CTTNBP2NL: variants seen among roughly 807,000 people sequenced by gnomAD.
CTTNBP2NL encodes CTTNBP2 N-terminal like, also known as CTTNBP2 N-terminal-like protein.
CTTNBP2NL carries 16 observed loss-of-function variants against 32.5 expected under a neutral mutation model. The ratio of observed to expected loss-of-function variants is 0.49; its 90% CI spans 0.33 to 0.75. The LOEUF (loss-of-function observed/expected upper bound fraction) is 0.75, where lower values mean the gene tolerates loss of function less well. CTTNBP2NL is among the 30% of genes least tolerant of loss of function. CTTNBP2NL has a pLI of 0.02. For synonymous variants in CTTNBP2NL, 298 were observed against 289.4 expected (o/e 1.03, Z -0.30); for missense variants, 645 against 756.0 (o/e 0.85, Z 1.72).
chr1:112,413,512 A>T (rs1648949246), intron 2 of CTTNBP2NL, among the ~76,000 whole-genome samples: 1 of 152,206 alleles, frequency 6.6e-6, no homozygotes, highest in Non-Finnish European at 1.5e-5. Flanking sequence ...TTCACAGATT[A>T]GAAAACGGAG....
At position 112,441,257 on chromosome 1, in the gene CTTNBP2NL, C is replaced by T. The variant is rs116406205; in HGVS notation, c.100-7685C>T. Among the ~76,000 whole-genome samples, 1,259 of 152,270 alleles carry T rather than the reference C, an allele frequency of 8.3e-3. 18 individuals are homozygous for T. Among genetic ancestry groups the T allele is most frequent in the African/African-American group, 0.028 (1,183 of 41,542 alleles). On this transcript the variant is annotated intron_variant, in intron 3 of 5. Transcript: ENST00000271277. ...TTCTGATTTTTTGTTCACCATAGTT[C>T]GGTTTTGTTTATTCCACAACTTCAT...
At chr1:112,454,798 T>C (rs939460474) in intron 5 of CTTNBP2NL, among the ~76,000 whole-genome samples, 4 of 152,200 alleles carry the variant, frequency 2.6e-5, no homozygotes, top group African/African-American at 7.2e-5. Flanking sequence ...AAATCCATGG[T>C]TTTATAAAAT....
intron 3 of CTTNBP2NL, among the ~76,000 whole-genome samples, chr1:112,437,825 G>A (rs1353286584): frequency 6.6e-6 from 1 of 152,032 alleles, no homozygotes; most frequent in African/African-American, 2.4e-5. Flanking sequence ...ACCCGGCCGA[G>A]TTCCTTCCTT....
chr1:112,425,744 C>A (rs1017225693), intron 3 of CTTNBP2NL, among the ~76,000 whole-genome samples: 1 of 151,284 alleles, frequency 6.6e-6, no homozygotes, highest in South Asian at 2.1e-4. Flanking sequence ...GCATCTGTAA[C>A]CCCGGCTACT....
At chr1:112,436,490 A>T (rs17014815) in intron 3 of CTTNBP2NL, among the ~76,000 whole-genome samples, 2,581 of 152,218 alleles carry the variant, frequency 0.017, 190 homozygotes, top group Admixed American at 0.12. Context: ...CTTCTTATCC[A>T]TCCATATCCC....
At position 112,457,053 on chromosome 1, in the gene CTTNBP2NL, C is replaced by A; in HGVS notation, c.1561C>A (p.Pro521Thr). Reference sequence around the variant, plus strand: ...CACTAGCCAACAAGGGCCAATCAAGCCAGTCTCTCCCAACAGCTCTCCCTT... The same window carrying A: ...CACTAGCCAACAAGGGCCAATCAAGACAGTCTCTCCCAACAGCTCTCCCTT... ...RFTSQQGPIK[P>T]VSPNSSPFGT... is the part of the protein sequence containing the mutation. Residue 521 changes from proline (P) to threonine (T), a missense_variant, in exon 6 of 6, where the codon CCA (proline) becomes ACA (threonine). By Grantham distance (38) the Pro-to-Thr change is conservative. Transcript: ENST00000271277. The A allele has an allele frequency of 1.2e-6, 2 of 1,614,154 alleles. No homozygotes were observed. The highest frequency in any genetic ancestry group is 1.7e-6 in the Non-Finnish European group (2 of 1,180,032).
At chr1:112,405,459 G>A (rs1343690184) in intron 1 of CTTNBP2NL, among the ~76,000 whole-genome samples, 1 of 152,028 alleles carries the variant, frequency 6.6e-6, no homozygotes, top group African/African-American at 2.4e-5. Flanking sequence ...CACCATGCCC[G>A]GCTAATTTTT....
rs1650424702 is a variant in CTTNBP2NL, at chr1:112,457,736, A to G, written c.*324A>G. ...TGAGAACTAGAATCACTCAACACTCATTTTGAATTATGCAGAAGTGGTTCA... is the reference window on the plus strand; with the variant it reads ...TGAGAACTAGAATCACTCAACACTCGTTTTGAATTATGCAGAAGTGGTTCA... On this transcript the variant is annotated 3_prime_UTR_variant, in exon 6 of 6. Transcript: ENST00000271277. The G allele has an allele frequency of 4.5e-6, 1 of 220,854 alleles. No homozygotes were observed. 13.7% of individuals were successfully genotyped at this position (220,854 alleles called of 1,614,324 possible).
chr1:112,424,665 C>T (rs116597141), intron 3 of CTTNBP2NL, among the ~76,000 whole-genome samples: 2,877 of 152,184 alleles, frequency 0.019, 95 homozygotes, highest in African/African-American at 0.066. Context: ...TATATCTCAT[C>T]ATTTATTTAG....
In CTTNBP2NL at chr1:112,456,744, A is replaced by G; in HGVS notation, c.1252A>G (p.Thr418Ala). ...SSGSSLSPSSTASSSLTSSPC... is the reference protein window; with the variant it reads ...SSGSSLSPSSAASSSLTSSPC... Reference sequence around the variant, plus strand: ...TGGGAGCTCACTGTCTCCCAGCAGCACTGCCTCCTCCTCTCTAACATCCTC... The same window carrying G: ...TGGGAGCTCACTGTCTCCCAGCAGCGCTGCCTCCTCCTCTCTAACATCCTC... Residue 418 changes from threonine to alanine, a missense_variant, in exon 6 of 6, where the codon ACT (threonine) becomes GCT (alanine). By Grantham distance (58) the Thr-to-Ala change is moderately conservative. Coordinates refer to ENST00000271277, the MANE Select transcript of CTTNBP2NL (RefSeq NM_018704.3). 6.2e-7 allele frequency: 1 copy of G among 1,614,064 alleles called. No homozygotes were observed. Among genetic ancestry groups the G allele is most frequent in the Non-Finnish European group, 8.5e-7 (1 of 1,179,996 alleles).
chr1:112,456,836 G>C lies in CTTNBP2NL; in HGVS notation c.1344G>C (p.Gln448His), dbSNP rs1326349274. The C allele has an allele frequency of 4.3e-6, 7 of 1,614,080 alleles. No individual in the cohort carries two copies. The South Asian group carries it at 7.7e-5, about 18-fold the overall frequency. ...CATCAGCTAGCAGCCCTGGCTACCA[G>C]TCATCGTACCAAGTAGGGATCAACC... ...LGSSASSPGY[Q>H]SSYQVGINQR... is the part of the protein sequence containing the mutation. Residue 448 changes from glutamine to histidine, a missense_variant, in exon 6 of 6, where the codon CAG becomes CAC. Gln to His is a conservative substitution (Grantham distance 24). Transcript: ENST00000271277.
At position 112,457,238 on chromosome 1, in the gene CTTNBP2NL, C is replaced by G; in HGVS notation, c.1746C>G (p.Ile582Met). Reference protein sequence around the residue: ...PRAERGNPPPIPPKKPGLTPS... With the variant: ...PRAERGNPPPMPPKKPGLTPS... ...CTGAGAGAGGAAACCCTCCACCCAT[C>G]CCACCCAAGAAACCTGGCCTCACCC... is the stretch of plus-strand genomic sequence containing the variant. The change falls in exon 6 of 6, where the codon ATC (isoleucine) becomes ATG (methionine). Residue 582 changes from isoleucine (I) to methionine (M), a missense_variant. Coordinates refer to ENST00000271277, the MANE Select transcript of CTTNBP2NL (RefSeq NM_018704.3). 1.9e-6 allele frequency: 3 copies of G among 1,614,164 alleles called. No homozygotes were observed. The highest frequency in any genetic ancestry group is 2.5e-6 in the Non-Finnish European group (3 of 1,180,032).
At chr1:112,444,581 C>T (rs938576139) in intron 3 of CTTNBP2NL, among the ~76,000 whole-genome samples, 2 of 152,040 alleles carry the variant, frequency 1.3e-5, no homozygotes, top group African/African-American at 4.8e-5. Flanking sequence ...AAATTAAAGA[C>T]CATCATGTTT....
chr1:112,401,018 G>A lies in CTTNBP2NL; in HGVS notation c.-134+4746G>A, dbSNP rs1462556688. On this transcript the variant is annotated intron_variant, in intron 1 of 5. Coordinates refer to ENST00000271277, the MANE Select transcript of CTTNBP2NL (RefSeq NM_018704.3). ...ATTACATGAATATACACACATACACGTGCACATATCACAAAGCAAGGTACC... is the reference window on the plus strand; with the variant it reads ...ATTACATGAATATACACACATACACATGCACATATCACAAAGCAAGGTACC... Among the ~76,000 whole-genome samples the A allele has an allele frequency of 4.7e-5, 7 of 149,166 alleles. No individual in the cohort carries two copies. The East Asian group carries it at 5.8e-4, about 12-fold the overall frequency.
chr1:112,432,059 T>C (rs1293574696), intron 3 of CTTNBP2NL, among the ~76,000 whole-genome samples: 4 of 148,856 alleles, frequency 2.7e-5, no homozygotes, highest in Non-Finnish European at 5.9e-5. Context: ...TTTATCTATA[T>C]ATTTTGATTT....
intron 3 of CTTNBP2NL, among the ~76,000 whole-genome samples, chr1:112,422,860 A>G (rs892241723): frequency 6.6e-6 from 1 of 152,076 alleles, no homozygotes; most frequent in African/African-American, 2.4e-5. Context: ...TGGTGTAATC[A>G]TGGCTCACTG....
intron 3 of CTTNBP2NL, among the ~76,000 whole-genome samples, chr1:112,443,521 G>A (rs975958234): frequency 6.6e-6 from 1 of 151,964 alleles, no homozygotes; most frequent in Non-Finnish European, 1.5e-5. Context: ...GCTAATTTTT[G>A]TATTTTCAGT....
intron 1 of CTTNBP2NL, chr1:112,396,733 G>A (rs1032724283): frequency 1.3e-5 from 2 of 152,248 alleles, no homozygotes; most frequent in Non-Finnish European, 2.9e-5. Flanking sequence ...AAAAAGGAGG[G>A]ATGGGGCGAA....
intron 3 of CTTNBP2NL, among the ~76,000 whole-genome samples, chr1:112,441,193 C>T (rs116746209): frequency 0.019 from 2,898 of 152,250 alleles, 96 homozygotes; most frequent in African/African-American, 0.066. Context: ...TGTGCCCCTT[C>T]CCAGTCAATC....
Sources: allele counts gnomAD v4.1 joint callset (sites outside exome capture counted in the v4.1 genomes callset), GRCh38; gene constraint gnomAD v4.1.1; transcripts MANE v1.5; gene names NCBI Gene and HGNC (gene_info 2026-07-23, HGNC 2026-07-21).